SV2C: variants seen among roughly 807,000 people sequenced by gnomAD.
SV2C encodes the protein solute carrier family 22 member B3.
Under a neutral mutation model 79.7 loss-of-function variants are expected in SV2C, and 49 were observed. The ratio of observed to expected loss-of-function variants is 0.61; its 90% CI spans 0.49 to 0.78. The LOEUF is 0.78. SV2C is among the 30% of genes least tolerant of loss of function. The pLI, the probability that SV2C is intolerant of heterozygous loss-of-function variation, is 0.00. For synonymous variants in SV2C, 334 were observed against 333.2 expected (o/e 1.00, Z -0.03); for missense variants, 833 against 912.9 (o/e 0.91, Z 1.13).
chr5:76,324,950 G>T (rs1216155149), intron 12 of SV2C, among the ~76,000 whole-genome samples: 1 of 152,164 alleles, frequency 6.6e-6, no homozygotes, highest in African/African-American at 2.4e-5. Context: ...TTGAGCCCAG[G>T]AGTTTGAGGC....
At chr5:76,016,585 A>C in the SV2C span, among the ~76,000 whole-genome samples, 1 of 152,202 alleles carries the variant, frequency 6.6e-6, no homozygotes, top group African/African-American at 2.4e-5. Flanking sequence ...CCTGAGGCTG[A>C]CATTTTTCAT....
chr5:76,237,049 T>C (rs1439654583), intron 4 of SV2C, among the ~76,000 whole-genome samples: 1 of 152,240 alleles, frequency 6.6e-6, no homozygotes, highest in Non-Finnish European at 1.5e-5. Context: ...CCTTCAATCA[T>C]GATTGTAAGC....
chr5:75,917,258 A>T, the SV2C span, among the ~76,000 whole-genome samples: 1 of 152,058 alleles, frequency 6.6e-6, no homozygotes, highest in East Asian at 1.9e-4. Context: ...CCTTTAAAAA[A>T]CCCAAACAGT....
Position 76,295,826 on chromosome 5 carries a change from G to C in SV2C, c.1386G>C (p.Gln462His), listed in dbSNP as rs1329260386. The C allele has an allele frequency of 3.1e-6, 5 of 1,613,330 alleles. No homozygotes were observed. Among genetic ancestry groups the C allele is most frequent in the Non-Finnish European group, 4.2e-6 (5 of 1,179,766 alleles). Residue 462 changes from glutamine (Q) to histidine (H), a missense_variant, in exon 9 of 13, where the codon CAG becomes CAC. By Grantham distance (24) the Gln-to-His change is conservative. Coordinates refer to ENST00000502798, the MANE Select transcript of SV2C (RefSeq NM_014979.4). ...VWFPDVIKPL[Q>H]SDEYALLTRN... Reference sequence around the variant, plus strand: ...TCCCTGATGTCATTAAACCTCTGCAGTCCGATGAATATGCATTGCTAACCA... The same window carrying C: ...TCCCTGATGTCATTAAACCTCTGCACTCCGATGAATATGCATTGCTAACCA...
chr5:75,864,310 C>CTCCATCCA, the SV2C span, among the ~76,000 whole-genome samples: 4,061 of 149,696 alleles, frequency 0.027, 71 homozygotes, highest in East Asian at 0.04. Context: ...TCCAGTGCCA[C>CTCCATCCA]TCCATCCATC....
intron 4 of SV2C, among the ~76,000 whole-genome samples, chr5:76,223,491 ATATATG>A (rs1484994684): frequency 0.031 from 1,165 of 37,114 alleles, 73 homozygotes; most frequent in African/African-American, 0.064. Context: ...ATATATATAT[ATATATG>A]TATATGTATA....
At chr5:75,860,923 G>A in the SV2C span, among the ~76,000 whole-genome samples, 3 of 152,084 alleles carry the variant, frequency 2.0e-5, no homozygotes, top group South Asian at 2.1e-4. Context: ...TTCACTATAC[G>A]CAAAAATTAA....
At chr5:75,858,494 A>G in the SV2C span, among the ~76,000 whole-genome samples, 1 of 152,128 alleles carries the variant, frequency 6.6e-6, no homozygotes, top group Non-Finnish European at 1.5e-5. Flanking sequence ...GTGTTGTTGA[A>G]TTTGGTTTGC....
rs540604951 is a variant in SV2C, at chr5:76,274,668, T to G, written c.914-10494T>G. 1.8e-4 allele frequency among the ~76,000 whole-genome samples: 26 copies of G among 146,798 alleles called. No individual in the cohort carries two copies. The South Asian group carries it at 5.7e-3, about 32-fold the overall frequency. On this transcript the variant is annotated intron_variant, in intron 4 of 12. Coordinates refer to ENST00000502798, the MANE Select transcript of SV2C (RefSeq NM_014979.4). ...CCTCCACCTACTACTTGGCCTTTTT[T>G]TTCCTTTTTCTCCTTCTTTTTTTTT...
At chr5:76,053,491 A>C in the SV2C span, among the ~76,000 whole-genome samples, 2 of 152,194 alleles carry the variant, frequency 1.3e-5, no homozygotes, top group African/African-American at 4.8e-5. Flanking sequence ...TGGTCTGTTT[A>C]AGCTATACTA....
At chr5:76,157,673 A>G (rs1742773849) in intron 2 of SV2C, among the ~76,000 whole-genome samples, 1 of 151,882 alleles carries the variant, frequency 6.6e-6, no homozygotes, top group South Asian at 2.1e-4. Context: ...TATTGGGCTA[A>G]GAAAATGACT....
At chr5:76,075,822 G>A in the SV2C span, 1 of 229,210 alleles carries the variant, frequency 4.4e-6, no homozygotes, top group Admixed American at 4.6e-5. Context: ...GGTGAATGAT[G>A]AATAACCCTA....
the SV2C span, among the ~76,000 whole-genome samples, chr5:75,876,221 AT>A: frequency 2.6e-5 from 4 of 152,172 alleles, no homozygotes; most frequent in Non-Finnish European, 5.9e-5. Flanking sequence ...CATATACATC[AT>A]GGAATACTAT....
chr5:76,049,018 A>AGAAG, the SV2C span, among the ~76,000 whole-genome samples: 1 of 103,690 alleles, frequency 9.6e-6, no homozygotes, highest in Non-Finnish European at 2.1e-5. Flanking sequence ...AAAGAAAGAA[A>AGAAG]GAAAGAAAAA....
chr5:76,121,794 A>G (rs1748506860), intron 1 of SV2C, among the ~76,000 whole-genome samples: 1 of 151,760 alleles, frequency 6.6e-6, no homozygotes, highest in African/African-American at 2.4e-5. Flanking sequence ...GTTTGAAGTC[A>G]GGTAGCGTGA....
chr5:76,242,377 G>A, intron 4 of SV2C: 2 of 916,082 alleles, frequency 2.2e-6, no homozygotes, highest in Admixed American at 2.0e-5. Context: ...ACCGGGGGTC[G>A]TTCTCGCCTC....
At position 76,291,495 on chromosome 5, in the gene SV2C, A is replaced by G. The variant is rs564223190; in HGVS notation, c.1248+164A>G. On this transcript the variant is annotated intron_variant, in intron 7 of 12. Coordinates refer to ENST00000502798, the MANE Select transcript of SV2C (RefSeq NM_014979.4). ...GGTAATTGGATCCCACTCGACCAGC[A>G]TTTAGCCAATACATTCCATCTGTGG... is the stretch of plus-strand genomic sequence containing the variant. 1.8e-4 allele frequency among the ~76,000 whole-genome samples: 28 copies of G among 152,334 alleles called. No homozygotes were observed. The South Asian group carries it at 5.2e-3, about 28-fold the overall frequency.
intron 4 of SV2C, among the ~76,000 whole-genome samples, chr5:76,213,701 C>T (rs532917911): frequency 1.6e-4 from 24 of 152,262 alleles, no homozygotes; most frequent in African/African-American, 5.1e-4. Flanking sequence ...TTACCACAAT[C>T]GAGCTAATTA....
chr5:75,991,531 A>G, the SV2C span, among the ~76,000 whole-genome samples: 2 of 149,832 alleles, frequency 1.3e-5, no homozygotes, highest in African/African-American at 4.9e-5. Flanking sequence ...TTATGCAATT[A>G]TATACCTTGT....
Sources: gnomAD v4.1 joint callset for allele counts (sites outside exome capture counted in the v4.1 genomes callset) on GRCh38, gnomAD v4.1.1 for gene constraint, MANE v1.5 for transcripts, NCBI Gene and HGNC (gene_info 2026-07-23, HGNC 2026-07-21) for gene names.